Variants in COL25A1 observed in about 807,000 individuals in gnomAD.
COL25A1 encodes collagen alpha-1(XXV) chain.
A neutral mutation model predicts 128.4 loss-of-function variants in COL25A1; 103 were observed. The ratio of observed to expected loss-of-function variants is 0.80; its 90% CI spans 0.68 to 0.94. The LOEUF is 0.94. COL25A1 is among the 40% of genes least tolerant of loss of function. The pLI is 0.00. For missense variants in COL25A1, 745 were observed against 840.0 expected, an observed-to-expected ratio of 0.89 and a Z score of 1.40; for synonymous variants, 279 against 277.2, an observed-to-expected ratio of 1.01 and a Z score of -0.06.
chr4:109,208,627 C>A (rs1401257174), intron 3 of COL25A1, among the ~76,000 whole-genome samples: 1 of 151,994 alleles, frequency 6.6e-6, no homozygotes, highest in East Asian at 1.9e-4. Context: ...TTATTAGCTT[C>A]ACTGAACAAA....
chr4:108,977,643 C>T, intron 6 of COL25A1, among the ~76,000 whole-genome samples: 1 of 152,198 alleles, frequency 6.6e-6, no homozygotes, highest in Non-Finnish European at 1.5e-5. Flanking sequence ...GATTTTTACA[C>T]ACATTTGTTG....
chr4:108,812,547 G>T lies in COL25A1; in HGVS notation c.*1380C>A, dbSNP rs1361539691. On this transcript the variant is annotated 3_prime_UTR_variant, in exon 38 of 38. Transcript: ENST00000399132. ...CAAAACAAGAGAGAAGTTAGTAAAA[G>T]GTCATTTTGACTACTGGAGCCAAAT... 1 of 152,078 alleles carries T rather than the reference G, an allele frequency of 6.6e-6. No individual in the cohort carries two copies. Among genetic ancestry groups the T allele is most frequent in the African/African-American group, 2.4e-5 (1 of 41,436 alleles). 9.4% of individuals were successfully genotyped at this position (152,078 alleles called of 1,614,324 possible).
At chr4:109,197,685 T>G (rs1776235489) in intron 3 of COL25A1, among the ~76,000 whole-genome samples, 1 of 150,914 alleles carries the variant, frequency 6.6e-6, no homozygotes, top group African/African-American at 2.4e-5. Context: ...AAACCCTATT[T>G]CACTTAACAT....
rs562168840 is a variant in COL25A1, at chr4:108,903,330, T to C, written c.781-2158A>G. 2.0e-4 allele frequency among the ~76,000 whole-genome samples: 30 copies of C among 152,176 alleles called. No homozygotes were observed. The South Asian group carries it at 4.8e-3, about 24-fold the overall frequency. On this transcript the variant is annotated intron_variant, in intron 13 of 37. Coordinates refer to ENST00000399132, the MANE Select transcript of COL25A1 (RefSeq NM_198721.4). Reference sequence around the variant, plus strand: ...GTCTCCTTCTGGTCTTTGATATTTATGGTTACATAGTTTCAAGCAATTGTA... The same window carrying C: ...GTCTCCTTCTGGTCTTTGATATTTACGGTTACATAGTTTCAAGCAATTGTA...
At position 108,906,818 on chromosome 4, in the gene COL25A1, A is replaced by G. The variant is rs148218455; in HGVS notation, c.781-5646T>C. On this transcript the variant is annotated intron_variant, in intron 13 of 37. Coordinates refer to ENST00000399132, the MANE Select transcript of COL25A1 (RefSeq NM_198721.4). ...TCATTACTCTTTCACAGTGCCTATT[A>G]AAACCACTCATACATAATAGCTGTT... is the stretch of plus-strand genomic sequence containing the variant. Among the ~76,000 whole-genome samples the G allele has an allele frequency of 2.6e-4, 39 of 152,338 alleles. No homozygotes were observed. The East Asian group carries it at 6.6e-3, about 26-fold the overall frequency.
chr4:108,897,027 G>A (rs1328418405), intron 15 of COL25A1, among the ~76,000 whole-genome samples: 1 of 152,080 alleles, frequency 6.6e-6, no homozygotes, highest in East Asian at 1.9e-4. Flanking sequence ...GCAAACAAAG[G>A]CTTTCTCCTG....
chr4:108,889,085 C>T, intron 18 of COL25A1, 136 bp downstream of exon 18: 1 of 820,398 alleles, frequency 1.2e-6, no homozygotes, highest in South Asian at 1.9e-5. Context: ...AAATGCAAAA[C>T]AACAATAACA....
At chr4:109,178,604 C>T (rs1251740722) in intron 3 of COL25A1, among the ~76,000 whole-genome samples, 6 of 151,946 alleles carry the variant, frequency 3.9e-5, no homozygotes, top group Non-Finnish European at 7.4e-5. Context: ...GCGGGCAGAT[C>T]GTGAAGTCAG....
chr4:108,983,411 G>A (rs780980894), intron 6 of COL25A1, among the ~76,000 whole-genome samples: 3 of 152,046 alleles, frequency 2.0e-5, no homozygotes, highest in Non-Finnish European at 4.4e-5. Context: ...TTATACCTTG[G>A]GTTTAATCTA....
intron 18 of COL25A1, among the ~76,000 whole-genome samples, chr4:108,885,396 T>G (rs1432174824): frequency 6.6e-6 from 1 of 152,216 alleles, no homozygotes; most frequent in Non-Finnish European, 1.5e-5. Flanking sequence ...CTTGATGATT[T>G]AGGTCAAAGT....
At chr4:109,063,467 C>G (rs186999778) in intron 3 of COL25A1, among the ~76,000 whole-genome samples, 303 of 150,438 alleles carry the variant, frequency 2.0e-3, no homozygotes, top group Non-Finnish European at 3.0e-3. Context: ...CACACCACTG[C>G]ACTCCAGCCT....
chr4:108,829,972 G>A (rs1732884204), intron 32 of COL25A1, among the ~76,000 whole-genome samples: 1 of 152,190 alleles, frequency 6.6e-6, no homozygotes, highest in Non-Finnish European at 1.5e-5. Flanking sequence ...GTGGTCAGAA[G>A]ACAATGCCAA....
At chr4:109,095,484 G>A (rs1212390711) in intron 3 of COL25A1, among the ~76,000 whole-genome samples, 12 of 152,204 alleles carry the variant, frequency 7.9e-5, no homozygotes. Context: ...AATAGGGACT[G>A]TGGTTCTCTT....
At chr4:109,254,469 T>TTTTATATATATATA (rs1357197026) in intron 3 of COL25A1, among the ~76,000 whole-genome samples, 1 of 59,592 alleles carries the variant, frequency 1.7e-5, no homozygotes, top group African/African-American at 5.6e-5. Flanking sequence ...AGGCATATGT[T>TTTTATATATATATA]TATATATATA....
chr4:109,122,116 T>C (rs1403788265), intron 3 of COL25A1, among the ~76,000 whole-genome samples: 2 of 151,982 alleles, frequency 1.3e-5, no homozygotes, highest in Non-Finnish European at 2.9e-5. Context: ...TGCCAAGGGT[T>C]AGAGGAGAGG....
chr4:109,139,986 C>A (rs1188805622), intron 3 of COL25A1, among the ~76,000 whole-genome samples: 1 of 152,138 alleles, frequency 6.6e-6, no homozygotes, highest in African/African-American at 2.4e-5. Flanking sequence ...ATCGATGTCC[C>A]TACAAAGACA....
intron 35 of COL25A1, among the ~76,000 whole-genome samples, chr4:108,822,741 AAC>A (rs778812476): frequency 1.1e-4 from 17 of 152,298 alleles, no homozygotes; most frequent in Non-Finnish European, 1.9e-4. Context: ...TCATCTTTAA[AAC>A]ACACTCATCT....
chr4:109,074,669 T>C (rs1445899103), intron 3 of COL25A1, among the ~76,000 whole-genome samples: 5 of 152,220 alleles, frequency 3.3e-5, no homozygotes, highest in Non-Finnish European at 7.3e-5. Context: ...GAGTTCTGTG[T>C]ATTATTCTCA....
intron 3 of COL25A1, among the ~76,000 whole-genome samples, chr4:109,294,771 C>T (rs1724817177): frequency 6.6e-6 from 1 of 152,060 alleles, no homozygotes; most frequent in South Asian, 2.1e-4. Context: ...GGACGGTTTC[C>T]ACTCAGGATA....
Sources: allele counts gnomAD v4.1 joint callset (sites outside exome capture counted in the v4.1 genomes callset), GRCh38; gene constraint gnomAD v4.1.1; transcripts MANE v1.5; gene names NCBI Gene and HGNC (gene_info 2026-07-23, HGNC 2026-07-21).